The following FHIT variants were observed in gnomAD, a reference collection of about 807,000 sequenced individuals.
The protein encoded by FHIT is fragile histidine triad diadenosine triphosphatase.
In FHIT, 19 loss-of-function variants were observed where a neutral mutation model predicts 17.9. That is an observed-to-expected ratio of 1.06 (90% CI 0.74 to 1.56). The LOEUF is 1.56. Ranked by LOEUF, FHIT falls within the 40% of genes most tolerant of loss-of-function variation. The probability of loss-of-function intolerance (pLI) is 0.00; values close to 1 mark genes in which losing one functional copy is unlikely to be tolerated. For synonymous variants in FHIT, 81 were observed against 69.7 expected, an observed-to-expected ratio of 1.16 and a Z score of -0.81; for missense variants, 248 against 189.2, an observed-to-expected ratio of 1.31 and a Z score of -1.82.
At chr3:61,092,076 G>T (rs1445511761) in intron 2 of FHIT, among the ~76,000 whole-genome samples, 1 of 133,820 alleles carries the variant, frequency 7.5e-6, no homozygotes, top group African/African-American at 2.7e-5. Flanking sequence ...ATGTACTCAA[G>T]ATTCAGAATC....
At chr3:59,998,295 C>A (rs992748477) in intron 7 of FHIT, among the ~76,000 whole-genome samples, 1 of 152,022 alleles carries the variant, frequency 6.6e-6, no homozygotes, top group Non-Finnish European at 1.5e-5. Flanking sequence ...CAGCCTGCTG[C>A]GGGTTAGAAA....
At chr3:60,598,387 C>T (rs1039744878) in intron 4 of FHIT, among the ~76,000 whole-genome samples, 18 of 152,040 alleles carry the variant, frequency 1.2e-4, no homozygotes, top group African/African-American at 4.4e-4. Flanking sequence ...TATTTGCTCA[C>T]AAGGAGTATT....
chr3:61,231,506 A>G (rs2040101429), intron 1 of FHIT, among the ~76,000 whole-genome samples: 1 of 152,050 alleles, frequency 6.6e-6, no homozygotes, highest in Non-Finnish European at 1.5e-5. Context: ...AAAAAAAAAA[A>G]AATGCTCACT....
chr3:61,001,989 A>G (rs2031117405), intron 3 of FHIT, among the ~76,000 whole-genome samples: 1 of 152,140 alleles, frequency 6.6e-6, no homozygotes, highest in Non-Finnish European at 1.5e-5. Flanking sequence ...ATCTACTGTT[A>G]TTTCAAATTT....
At chr3:60,002,978 G>C (rs1699785357) in intron 7 of FHIT, among the ~76,000 whole-genome samples, 2 of 152,070 alleles carry the variant, frequency 1.3e-5, no homozygotes, top group South Asian at 4.2e-4. Context: ...CTCAGAGATT[G>C]GAAAATAGGA....
At chr3:59,905,071 A>C (rs1335079415) in intron 8 of FHIT, among the ~76,000 whole-genome samples, 1 of 152,226 alleles carries the variant, frequency 6.6e-6, no homozygotes. Context: ...TTCAGGCTTT[A>C]AACTCTCTTC....
intron 9 of FHIT, chr3:59,749,976 T>G (rs1700800556): frequency 4.5e-6 from 1 of 224,388 alleles, no homozygotes; most frequent in Non-Finnish European, 8.9e-6. Context: ...GGTGATTTGT[T>G]TGGTCTGTGC....
At chr3:59,865,387 G>T (rs1473876967) in intron 8 of FHIT, among the ~76,000 whole-genome samples, 1 of 152,258 alleles carries the variant, frequency 6.6e-6, no homozygotes, top group Non-Finnish European at 1.5e-5. Flanking sequence ...CTTTAGAGAT[G>T]CTGCCTAGCA....
intron 2 of FHIT, among the ~76,000 whole-genome samples, chr3:61,138,433 G>A (rs1438789465): frequency 6.6e-6 from 1 of 152,216 alleles, no homozygotes; most frequent in African/African-American, 2.4e-5. Context: ...ATGCTTGTGG[G>A]CCTGCCTAGG....
intron 5 of FHIT, among the ~76,000 whole-genome samples, chr3:60,398,956 T>C (rs1304369616): frequency 1.3e-5 from 2 of 152,160 alleles, no homozygotes; most frequent in African/African-American, 4.8e-5. Context: ...GGAAAGTCTA[T>C]ACATAAGAAT....
intron 5 of FHIT, among the ~76,000 whole-genome samples, chr3:60,127,622 G>C (rs568131954): frequency 6.6e-6 from 1 of 152,078 alleles, no homozygotes; most frequent in South Asian, 2.1e-4. Flanking sequence ...TTTTTTTGGA[G>C]AAAGGGTCTC....
intron 5 of FHIT, among the ~76,000 whole-genome samples, chr3:60,398,465 G>T (rs889870966): frequency 6.6e-6 from 1 of 152,126 alleles, no homozygotes; most frequent in Non-Finnish European, 1.5e-5. Flanking sequence ...GGGCAAATCT[G>T]ATCCTGCCTA....
intron 5 of FHIT, among the ~76,000 whole-genome samples, chr3:60,193,607 A>C (rs1385386619): frequency 3.3e-5 from 5 of 152,332 alleles, no homozygotes; most frequent in African/African-American, 1.2e-4. Flanking sequence ...GGCCTTGACA[A>C]GTCATTTTAT....
At chr3:60,119,474 T>C (rs1705147386) in intron 5 of FHIT, among the ~76,000 whole-genome samples, 1 of 152,210 alleles carries the variant, frequency 6.6e-6, no homozygotes, top group South Asian at 2.1e-4. Flanking sequence ...ACTCATTTTT[T>C]CCAAAATATG....
intron 5 of FHIT, among the ~76,000 whole-genome samples, chr3:60,523,463 A>G (rs1262690434): frequency 6.6e-6 from 1 of 152,212 alleles, no homozygotes; most frequent in Non-Finnish European, 1.5e-5. Flanking sequence ...AGAAATAATA[A>G]ATCAGAAGAA....
intron 4 of FHIT, among the ~76,000 whole-genome samples, chr3:60,681,861 C>T (rs1265491375): frequency 6.6e-6 from 1 of 152,122 alleles, no homozygotes. Flanking sequence ...AGGAGAGAAG[C>T]CATCTCCAGA....
At chr3:60,130,904 TAC>T (rs1559661052) in intron 5 of FHIT, among the ~76,000 whole-genome samples, 1 of 150,070 alleles carries the variant, frequency 6.7e-6, no homozygotes, top group African/African-American at 2.4e-5. Context: ...TACACATATA[TAC>T]ACATATATGT....
At chr3:61,199,424 T>C (rs2038951422) in intron 2 of FHIT, among the ~76,000 whole-genome samples, 1 of 152,222 alleles carries the variant, frequency 6.6e-6, no homozygotes, top group African/African-American at 2.4e-5. Context: ...AAGAATTATC[T>C]ACTGCTTAAG....
At chr3:60,949,997 C>T (rs1024589552) in intron 3 of FHIT, among the ~76,000 whole-genome samples, 4 of 152,150 alleles carry the variant, frequency 2.6e-5, no homozygotes, top group Non-Finnish European at 4.4e-5. Context: ...TATATGATAT[C>T]GATCCCATAA....
Sources: gnomAD v4.1 joint callset for allele counts (sites outside exome capture counted in the v4.1 genomes callset) on GRCh38, gnomAD v4.1.1 for gene constraint, MANE v1.5 for transcripts, NCBI Gene and HGNC (gene_info 2026-07-23, HGNC 2026-07-21) for gene names.